Variants in WARS2 observed in about 807,000 individuals in gnomAD.
WARS2 encodes tryptophan--tRNA ligase, mitochondrial.
In WARS2, 28 loss-of-function variants were observed where a neutral mutation model predicts 36.5. That is an observed-to-expected ratio of 0.77 (90% CI 0.57 to 1.05). The LOEUF (loss-of-function observed/expected upper bound fraction) is 1.05. Among genes scored for constraint, WARS2 ranks in the 50% least tolerant of loss-of-function variants. The pLI is 0.00. For synonymous variants in WARS2, 174 were observed against 178.4 expected (o/e 0.98, Z 0.20); for missense variants, 435 against 456.8 (o/e 0.95, Z 0.44).
chr1:119,090,837 G>A (rs889161703), intron 1 of WARS2, among the ~76,000 whole-genome samples: 4 of 152,194 alleles, frequency 2.6e-5, no homozygotes, highest in African/African-American at 9.6e-5. Context: ...CGAGGCTGCA[G>A]TGAGCAATGA....
chr1:119,085,946 A>C (rs1557970792), intron 1 of WARS2: 6 of 1,610,262 alleles, frequency 3.7e-6, no homozygotes, highest in Non-Finnish European at 5.1e-6. Context: ...CCTTAGTTAA[A>C]GGGTTCATCT....
At chr1:119,137,070 G>C (rs1158445044) in intron 1 of WARS2, among the ~76,000 whole-genome samples, 1 of 152,134 alleles carries the variant, frequency 6.6e-6, no homozygotes, top group Non-Finnish European at 1.5e-5. Context: ...TGCATTGTGG[G>C]ACCCTGGATT....
intron 1 of WARS2, among the ~76,000 whole-genome samples, chr1:119,135,707 T>TAGAC (rs1553183240): frequency 2.2e-5 from 3 of 134,062 alleles, no homozygotes; most frequent in African/African-American, 8.3e-5. Context: ...ATAGATAGAT[T>TAGAC]AGATAGACAG....
chr1:119,050,846 G>C (rs1649292218), intron 2 of WARS2, among the ~76,000 whole-genome samples: 1 of 152,092 alleles, frequency 6.6e-6, no homozygotes, highest in Admixed American at 6.5e-5. Flanking sequence ...TGGTTGCCTG[G>C]GAATAGAGGA....
chr1:119,033,032 A>G lies in WARS2; in HGVS notation c.962T>C (p.Ile321Thr). 6.2e-7 allele frequency: 1 copy of G among 1,614,212 alleles called. No homozygotes were observed. The change falls in exon 6 of 6, where the codon ATT (isoleucine) becomes ACT (threonine). Residue 321 changes from isoleucine (I) to threonine (T), a missense_variant. Ile to Thr is a moderately conservative substitution (Grantham distance 89). Transcript: ENST00000235521. ...IEKFAPIKREIEKLKLDKDHL... is the reference protein window; with the variant it reads ...IEKFAPIKRETEKLKLDKDHL... ...GTCCTTGTCCAGCTTCAGTTTTTCAATTTCACGCTTAATTGGGGCAAACTT... is the reference window on the plus strand; with the variant it reads ...GTCCTTGTCCAGCTTCAGTTTTTCAGTTTCACGCTTAATTGGGGCAAACTT...
intron 2 of WARS2, among the ~76,000 whole-genome samples, chr1:119,056,896 G>A (rs188599462): frequency 7.4e-4 from 113 of 152,220 alleles, no homozygotes; most frequent in Non-Finnish European, 1.3e-3. Flanking sequence ...TAAATACCTA[G>A]GAGTAGAATT....
intron 2 of WARS2, among the ~76,000 whole-genome samples, chr1:119,050,085 G>A (rs943540570): frequency 3.3e-5 from 5 of 152,142 alleles, no homozygotes; most frequent in African/African-American, 4.8e-5. Flanking sequence ...CATCTCCTCC[G>A]TTTCAACTCT....
chr1:119,132,142 G>C (rs1656160814), intron 1 of WARS2, among the ~76,000 whole-genome samples: 1 of 152,130 alleles, frequency 6.6e-6, no homozygotes, highest in Non-Finnish European at 1.5e-5. Context: ...GACAACTGAG[G>C]TTTAGTGAAG....
intron 2 of WARS2, among the ~76,000 whole-genome samples, chr1:119,067,321 CA>C (rs1466814494): frequency 2.6e-5 from 4 of 152,232 alleles, no homozygotes; most frequent in Non-Finnish European, 5.9e-5. Flanking sequence ...AATGGCGTTA[CA>C]ACTAAGCAGA....
chr1:119,068,865 A>C (rs1369424629), intron 2 of WARS2, among the ~76,000 whole-genome samples: 9 of 152,058 alleles, frequency 5.9e-5, no homozygotes, highest in Non-Finnish European at 1.5e-5. Flanking sequence ...ACACACACAC[A>C]CACACACACA....
chr1:119,032,645 G>C lies in WARS2; in HGVS notation c.*266C>G. 1 of 474,158 alleles carries C rather than the reference G, an allele frequency of 2.1e-6. No individual in the cohort carries two copies. The highest frequency in any genetic ancestry group is 3.7e-6 in the Non-Finnish European group (1 of 267,090). 29.4% of individuals were successfully genotyped at this position (474,158 alleles called of 1,614,324 possible). A position where few individuals can be genotyped will look rare whatever the true frequency, so the allele number is the denominator to read the frequency against. Reference sequence around the variant, plus strand: ...TTCAATCACATTTCTGCAGGCCAAGGAGTGTGCCTCAATAATTGGGGATTC... The same window carrying C: ...TTCAATCACATTTCTGCAGGCCAAGCAGTGTGCCTCAATAATTGGGGATTC... On this transcript the variant is annotated 3_prime_UTR_variant, in exon 6 of 6. Transcript: ENST00000235521.
At chr1:119,126,136 G>A (rs1307208255) in intron 1 of WARS2, among the ~76,000 whole-genome samples, 1 of 151,458 alleles carries the variant, frequency 6.6e-6, no homozygotes, top group Non-Finnish European at 1.5e-5. Flanking sequence ...TCATCACTTG[G>A]ACTATGTTCT....
At chr1:119,088,657 G>T (rs911213502) in intron 1 of WARS2, among the ~76,000 whole-genome samples, 2 of 152,182 alleles carry the variant, frequency 1.3e-5, no homozygotes, top group African/African-American at 2.4e-5. Context: ...TAGCCTCTAT[G>T]CTGGTGAGAG....
At chr1:119,058,661 G>A (rs1285365561) in intron 2 of WARS2, among the ~76,000 whole-genome samples, 1 of 124,546 alleles carries the variant, frequency 8.0e-6, no homozygotes, top group African/African-American at 3.9e-5. Flanking sequence ...TGGCTGCATA[G>A]GATTCCATGG....
chr1:119,128,696 G>T (rs1180044578), intron 1 of WARS2, among the ~76,000 whole-genome samples: 1 of 151,828 alleles, frequency 6.6e-6, no homozygotes, highest in East Asian at 1.9e-4. Flanking sequence ...AGTGGTCATG[G>T]CTTTGTTACT....
At chr1:119,097,544 G>A (rs939473388) in intron 1 of WARS2, among the ~76,000 whole-genome samples, 2 of 152,150 alleles carry the variant, frequency 1.3e-5, no homozygotes, top group Non-Finnish European at 2.9e-5. Flanking sequence ...TTTAAGACCT[G>A]GTGCAGCTGT....
At position 119,032,937 on chromosome 1, in the gene WARS2, C is replaced by T. The variant is rs931308856; in HGVS notation, c.1057G>A (p.Val353Met). 19 of 1,613,048 alleles carry T rather than the reference C, an allele frequency of 1.2e-5. No individual in the cohort carries two copies. Among genetic ancestry groups the T allele is most frequent in the Non-Finnish European group, 1.5e-5 (18 of 1,179,086 alleles). ...TATAGAAAACCCACCAATTTCTTCACCTCCTGGCACACAGTGTATGCTAAT... is the reference window on the plus strand; with the variant it reads ...TATAGAAAACCCACCAATTTCTTCATCTCCTGGCACACAGTGTATGCTAAT... ...KELAYTVCQE[V>M]KKLVGFL Residue 353 changes from valine (V) to methionine (M), a missense_variant, in exon 6 of 6, where the codon GTG (valine) becomes ATG (methionine). Transcript: ENST00000235521.
intron 1 of WARS2, among the ~76,000 whole-genome samples, chr1:119,129,822 A>G (rs587733181): frequency 6.6e-6 from 1 of 152,378 alleles, no homozygotes; most frequent in East Asian, 1.9e-4. Flanking sequence ...ACAATTTGGT[A>G]AGCAAGCATT....
intron 2 of WARS2, among the ~76,000 whole-genome samples, chr1:119,068,955 G>A (rs1290256406): frequency 6.6e-6 from 1 of 152,078 alleles, no homozygotes; most frequent in African/African-American, 2.4e-5. Flanking sequence ...AGAGGCCAGT[G>A]GGAGAGAAAG....
Sources: gnomAD v4.1 joint callset for allele counts (sites outside exome capture counted in the v4.1 genomes callset) on GRCh38, gnomAD v4.1.1 for gene constraint, MANE v1.5 for transcripts, NCBI Gene and HGNC (gene_info 2026-07-23, HGNC 2026-07-21) for gene names.